Variants in BCL7C observed in about 807,000 individuals in gnomAD.
BCL7C encodes the protein B-cell CLL/lymphoma 7 protein family member C.
Under a neutral mutation model 26.2 loss-of-function variants are expected in BCL7C, and 8 were observed. That is an observed-to-expected ratio of 0.30 (90% CI 0.18 to 0.55). The LOEUF is 0.55. BCL7C is among the 20% of genes least tolerant of loss of function. The pLI is 0.93. For synonymous variants in BCL7C, 90 were observed against 116.5 expected (o/e 0.77, Z 1.47); for missense variants, 262 against 298.5 (o/e 0.88, Z 0.90).
At chr16:30,862,754 A>G (rs12930944) in intron 5 of BCL7C, among the ~76,000 whole-genome samples, 111,623 of 151,672 alleles carry the variant, frequency 0.74, 41,515 homozygotes, top group East Asian at 0.91. Flanking sequence ...TCCTTCCTAG[A>G]CATGGTTAGG....
intron 5 of BCL7C, among the ~76,000 whole-genome samples, chr16:30,844,680 C>T (rs1220616975): frequency 3.3e-5 from 5 of 152,182 alleles, no homozygotes; most frequent in Non-Finnish European, 7.4e-5. Flanking sequence ...GTTCCAGGGG[C>T]TTTCACTTAG....
At position 30,892,635 on chromosome 16, in the gene BCL7C, T is replaced by G; in HGVS notation, c.393A>C (p.Pro131=). 6.2e-7 allele frequency: 1 copy of G among 1,610,888 alleles called. No individual in the cohort carries two copies. Among genetic ancestry groups the G allele is most frequent in the Non-Finnish European group, 8.5e-7 (1 of 1,178,638 alleles). ...PSRPVSPAGP[P]EGVPEEAQPP... ...GCTGAGCCTCCTCAGGGACCCCTTCTGGGGGTCCGGCAGGTGACACAGGGC... is the reference window on the plus strand; with the variant it reads ...GCTGAGCCTCCTCAGGGACCCCTTCGGGGGGTCCGGCAGGTGACACAGGGC... Residue 131 remains proline (P), a synonymous_variant, in exon 4 of 6, where the codon CCA becomes CCC. Transcript: ENST00000215115.
chr16:30,884,651 C>T (rs1303370579), downstream of BCL7C, among the ~76,000 whole-genome samples: 1 of 152,002 alleles, frequency 6.6e-6, no homozygotes, highest in Non-Finnish European at 1.5e-5. Flanking sequence ...TGCCCCGCAA[C>T]CATGCCCAAG....
At position 30,888,865 on chromosome 16, in the gene BCL7C, C is replaced by T. The variant is rs753063628; in HGVS notation, c.523G>A (p.Ala175Thr). The change falls in exon 5 of 6, where the codon GCT becomes ACT. Residue 175 changes from alanine to threonine, a missense_variant. By Grantham distance (58) the Ala-to-Thr change is moderately conservative. Transcript: ENST00000215115. The stretch of plus-strand genomic sequence containing the variant: ...AGCCTTCTGGCCTCTCTCACCTCAG[C>T]TTCCAGCAGTTCTGGAACAGGCTCC... ...KEEPVPELLE[A>T]EAPEAYPVFE... 6.2e-7 allele frequency: 1 copy of T among 1,614,080 alleles called. No individual in the cohort carries two copies. The highest frequency in any genetic ancestry group is 8.5e-7 in the Non-Finnish European group (1 of 1,179,940).
chr16:30,883,302 G>C (rs2055070751), downstream of BCL7C, among the ~76,000 whole-genome samples: 1 of 152,090 alleles, frequency 6.6e-6, no homozygotes, highest in African/African-American at 2.4e-5. Context: ...CAGCAAGGTG[G>C]TAAATAAGGG....
intron 5 of BCL7C, among the ~76,000 whole-genome samples, chr16:30,873,411 A>G (rs1256565709): frequency 1.3e-5 from 2 of 152,180 alleles, no homozygotes; most frequent in African/African-American, 4.8e-5. Context: ...GGTTTCTTTT[A>G]GGGGTAATGA....
At chr16:30,841,941 G>A (rs930857742) in intron 5 of BCL7C, among the ~76,000 whole-genome samples, 13 of 115,118 alleles carry the variant, frequency 1.1e-4, no homozygotes, top group Admixed American at 4.5e-4. Context: ...GGCCAAATGC[G>A]AGACTCCATC....
rs967607232 is a variant in BCL7C at position 30,888,952 on chromosome 16, C to T, written c.443-7G>A. 11 of 1,613,550 alleles carry T rather than the reference C, an allele frequency of 6.8e-6. No individual in the cohort carries two copies. Among genetic ancestry groups the T allele is most frequent in the East Asian group, 2.2e-5 (1 of 44,870 alleles). On this transcript the variant is annotated splice_polypyrimidine_tract_variant and splice_region_variant and intron_variant, in intron 4 of 5. Transcript: ENST00000215115. ...GCAGTTATGCCCCCGGGATCTGGAA[C>T]GTCAAGGTAACAAACATCCCCTGAA... is the stretch of plus-strand genomic sequence containing the variant.
chr16:30,865,172 C>CAAAA (rs529882511), intron 5 of BCL7C, among the ~76,000 whole-genome samples: 52 of 40,824 alleles, frequency 1.3e-3, no homozygotes, highest in Non-Finnish European at 2.1e-3. Flanking sequence ...ACCTCCAACT[C>CAAAA]AAAAAAAAAA....
downstream of BCL7C, among the ~76,000 whole-genome samples, chr16:30,885,496 C>T (rs1017136485): frequency 3.3e-5 from 5 of 151,494 alleles, no homozygotes; most frequent in Non-Finnish European, 4.4e-5. Flanking sequence ...TGCAACCTCC[C>T]GGATTCAAGC....
intron 5 of BCL7C, among the ~76,000 whole-genome samples, chr16:30,844,239 ACTCGGGAGGCTGAG>A (rs2054619995): frequency 6.7e-6 from 1 of 148,814 alleles, no homozygotes; most frequent in Non-Finnish European, 1.5e-5. Flanking sequence ...AGTCCCAGCT[ACTCGGGAGGCTGAG>A]GCAGGAGAAC....
intron 5 of BCL7C, among the ~76,000 whole-genome samples, chr16:30,851,081 C>A (rs1366204699): frequency 1.3e-5 from 2 of 152,130 alleles, no homozygotes; most frequent in Non-Finnish European, 2.9e-5. Flanking sequence ...GCGTAAAAAT[C>A]TGTGCTTCGG....
chr16:30,865,881 A>G (rs2054821809), intron 5 of BCL7C, among the ~76,000 whole-genome samples: 1 of 123,264 alleles, frequency 8.1e-6, no homozygotes, highest in South Asian at 2.9e-4. Flanking sequence ...CGCCCGCCAC[A>G]GTGCCCTAAT....
intron 5 of BCL7C, among the ~76,000 whole-genome samples, chr16:30,878,637 G>A (rs1352553203): frequency 6.6e-6 from 1 of 151,436 alleles, no homozygotes; most frequent in Non-Finnish European, 1.5e-5. Flanking sequence ...GAGGTCAGGA[G>A]CTTGAGACCA....
At chr16:30,859,327 C>T (rs1003818434) in intron 5 of BCL7C, among the ~76,000 whole-genome samples, 2 of 152,126 alleles carry the variant, frequency 1.3e-5, no homozygotes, top group Non-Finnish European at 2.9e-5. Context: ...AATGAAAATC[C>T]TAATAACAGT....
chr16:30,856,075 A>G (rs1189787107), intron 5 of BCL7C, among the ~76,000 whole-genome samples: 1 of 151,450 alleles, frequency 6.6e-6, no homozygotes, highest in Non-Finnish European at 1.5e-5. Context: ...AAAAAAAAAA[A>G]AAAAAGAAGA....
intron 5 of BCL7C, among the ~76,000 whole-genome samples, chr16:30,849,848 C>CAAAAA (rs2151363098): frequency 1.3e-5 from 2 of 151,520 alleles, no homozygotes; most frequent in African/African-American, 4.8e-5. Flanking sequence ...TCCACCATGC[C>CAAAAA]TAGCTAACTT....
chr16:30,841,872 A>G (rs1354376652), intron 5 of BCL7C, among the ~76,000 whole-genome samples: 3 of 148,582 alleles, frequency 2.0e-5, no homozygotes, highest in African/African-American at 7.4e-5. Flanking sequence ...GGAGAATGGC[A>G]TGAACCTGGG....
At chr16:30,870,087 T>G (rs181761673) in intron 5 of BCL7C, among the ~76,000 whole-genome samples, 1 of 152,268 alleles carries the variant, frequency 6.6e-6, no homozygotes, top group Non-Finnish European at 1.5e-5. Flanking sequence ...CCTGCCACCT[T>G]AGGAAGATGC....
Sources: allele counts gnomAD v4.1 joint callset (sites outside exome capture counted in the v4.1 genomes callset), GRCh38; gene constraint gnomAD v4.1.1; transcripts MANE v1.5; gene names NCBI Gene and HGNC (gene_info 2026-07-23, HGNC 2026-07-21).